The following MAP3K2 variants were observed in gnomAD, a reference collection of about 807,000 sequenced individuals.
The protein encoded by MAP3K2 is mitogen-activated protein kinase kinase kinase 2.
A neutral mutation model predicts 80.3 loss-of-function variants in MAP3K2; 24 were observed. The observed-to-expected ratio is 0.30, with a 90% CI of 0.22 to 0.42. The LOEUF (loss-of-function observed/expected upper bound fraction) is 0.42, where lower values mean the gene tolerates loss of function less well. Among genes scored for constraint, MAP3K2 ranks in the 10% least tolerant of loss-of-function variants. The pLI is 1.00. For missense variants in MAP3K2, 608 were observed against 750.1 expected, an observed-to-expected ratio of 0.81 and a Z score of 2.21; for synonymous variants, 244 against 253.7, an observed-to-expected ratio of 0.96 and a Z score of 0.36.
In MAP3K2 at chr2:127,322,352, G is replaced by T; in HGVS notation, c.839-100C>A. On this transcript the variant is annotated intron_variant, in intron 11 of 16. Coordinates refer to ENST00000682094, the MANE Select transcript of MAP3K2 (RefSeq NM_001371910.2). This position sits in a 1 kb window ranked among gnomAD's most constrained non-coding sequence, Gnocchi z 4.2. ...TGTAGAGAATAGAAATTTGTCCTGT[G>T]ACTAGGCTAAGAAACTCAAATAGGA... The T allele has an allele frequency of 1.4e-6, 1 of 734,720 alleles. No individual in the cohort carries two copies. The highest frequency in any genetic ancestry group is 2.2e-6 in the Non-Finnish European group (1 of 458,298). 45.5% of individuals were successfully genotyped at this position (734,720 alleles called of 1,614,324 possible). A position where few individuals can be genotyped will look rare whatever the true frequency, so the allele number is the denominator to read the frequency against.
At chr2:127,326,368 A>G (rs1686141521) in intron 8 of MAP3K2, among the ~76,000 whole-genome samples, 2 of 149,104 alleles carry the variant, frequency 1.3e-5, no homozygotes, top group Admixed American at 6.8e-5. Context: ...ACAAAGGTAA[A>G]TATTTGTAGT....
At chr2:127,360,685 A>G (rs1332672367) in intron 1 of MAP3K2, among the ~76,000 whole-genome samples, 1 of 152,228 alleles carries the variant, frequency 6.6e-6, no homozygotes, top group Admixed American at 6.5e-5. Flanking sequence ...TCACACCACA[A>G]ATCTCATTAC....
Position 127,322,295 on chromosome 2 carries a change from T to C in MAP3K2, c.839-43A>G. 1 of 1,246,662 alleles carries C rather than the reference T, an allele frequency of 8.0e-7. No individual in the cohort carries two copies. Among genetic ancestry groups the C allele is most frequent in the Non-Finnish European group, 1.1e-6 (1 of 878,908 alleles). The allele number at this position is 1,246,662 out of a possible 1,614,324, so 77.2% of individuals were successfully genotyped here. A position where few individuals can be genotyped will look rare whatever the true frequency, so the allele number is the denominator to read the frequency against. ...AATGACCTTATACCTTTTATTAATA[T>C]GTTATACTTTTAAAGTATTTAAAAT... On this transcript the variant is annotated intron_variant, in intron 11 of 16. Coordinates refer to ENST00000682094, the MANE Select transcript of MAP3K2 (RefSeq NM_001371910.2). This position sits in a 1 kb window ranked among gnomAD's most constrained non-coding sequence, Gnocchi z 4.2.
At position 127,339,969 on chromosome 2, in the gene MAP3K2, A is replaced by G. The variant is rs1686444867; in HGVS notation, c.5-919T>C. 6.6e-6 allele frequency among the ~76,000 whole-genome samples: 1 copy of G among 152,222 alleles called. No homozygotes were observed. The highest frequency in any genetic ancestry group is 6.5e-5 in the Admixed American group (1 of 15,286). On this transcript the variant is annotated intron_variant, in intron 2 of 16. Transcript: ENST00000682094. The surrounding 1 kb of genome is among the most constrained non-coding windows in gnomAD (Gnocchi z 4.2). ...AGTAGTAAAAATTAAAACATGCCAT[A>G]TCCTGTATGGGAAATCACTAAAAAT...
intron 1 of MAP3K2, among the ~76,000 whole-genome samples, chr2:127,375,062 C>A (rs1687126314): frequency 6.6e-6 from 1 of 152,164 alleles, no homozygotes; most frequent in African/African-American, 2.4e-5. Context: ...ATAAAACCTG[C>A]AGTTTTATGG....
intron 1 of MAP3K2, among the ~76,000 whole-genome samples, chr2:127,357,224 A>G (rs1686811919): frequency 6.6e-6 from 1 of 152,234 alleles, no homozygotes; most frequent in Admixed American, 6.5e-5. Flanking sequence ...AAATTCAATG[A>G]AATCTTAAAT....
At chr2:127,359,590 T>A (rs1686851633) in intron 1 of MAP3K2, among the ~76,000 whole-genome samples, 1 of 152,216 alleles carries the variant, frequency 6.6e-6, no homozygotes, top group Non-Finnish European at 1.5e-5. Context: ...GGTTTAAATC[T>A]GTGTCTCCAC....
At chr2:127,372,798 T>C (rs949033042) in intron 1 of MAP3K2, among the ~76,000 whole-genome samples, 2 of 152,132 alleles carry the variant, frequency 1.3e-5, no homozygotes, top group South Asian at 2.1e-4. Context: ...CGTGAATTAG[T>C]TGAGGGGCAA....
rs1389899569 is a variant in MAP3K2, at chr2:127,310,645, T to C, written c.1457-1883A>G. 6.6e-6 allele frequency among the ~76,000 whole-genome samples: 1 copy of C among 152,166 alleles called. No homozygotes were observed. Among genetic ancestry groups the C allele is most frequent in the East Asian group, 1.9e-4 (1 of 5,194 alleles). ...CCGCCTGGGTGATAAAGTGAGACCC[T>C]GTCTCAAAAAAACAAAAACAAAAAA... On this transcript the variant is annotated intron_variant, in intron 15 of 16. Coordinates refer to ENST00000682094, the MANE Select transcript of MAP3K2 (RefSeq NM_001371910.2). This position sits in a 1 kb window ranked among gnomAD's most constrained non-coding sequence, Gnocchi z 4.8.
Position 127,299,473 on chromosome 2 carries a change from CAA to C in MAP3K2, c.*8104_*8105del, listed in dbSNP as rs1335481536. The C allele has an allele frequency of 6.6e-6, 1 of 152,100 alleles. No homozygotes were observed. Among genetic ancestry groups the C allele is most frequent in the Non-Finnish European group, 1.5e-5 (1 of 67,978 alleles). The allele number at this position is 152,100 out of a possible 1,614,324, so 9.4% of individuals were successfully genotyped here. On this transcript the variant is annotated 3_prime_UTR_variant, in exon 17 of 17. Transcript: ENST00000682094. Reference sequence around the variant, plus strand: ...TTTGGGGTGGAATACAGGAAATATTCAAAGACAACAGTAGGACAGGCCAATAG... The same window carrying C: ...TTTGGGGTGGAATACAGGAAATATTCAGACAACAGTAGGACAGGCCAATAG...
chr2:127,373,719 G>C (rs1687104094), intron 1 of MAP3K2, among the ~76,000 whole-genome samples: 1 of 152,166 alleles, frequency 6.6e-6, no homozygotes. Context: ...ATGCTTTCTA[G>C]AATGGGTTTT....
chr2:127,366,780 A>G (rs756441316), intron 1 of MAP3K2, among the ~76,000 whole-genome samples: 14 of 151,506 alleles, frequency 9.2e-5, no homozygotes, highest in Non-Finnish European at 1.9e-4. Context: ...CACTCATAAC[A>G]TGAGAATAAT....
chr2:127,341,444 G>A (rs999088753), intron 2 of MAP3K2, among the ~76,000 whole-genome samples: 9 of 151,578 alleles, frequency 5.9e-5, no homozygotes, highest in East Asian at 3.9e-4. Flanking sequence ...CTTACTTGGC[G>A]GGCTTGAAGA....
chr2:127,373,743 G>T (rs187681742), intron 1 of MAP3K2, among the ~76,000 whole-genome samples: 1 of 152,082 alleles, frequency 6.6e-6, no homozygotes, highest in Non-Finnish European at 1.5e-5. Context: ...CTCACATACC[G>T]GGACTAAAAC....
At position 127,365,116 on chromosome 2, in the gene MAP3K2, C is replaced by CAAAAAA. The variant is rs10558890; in HGVS notation, c.-65-21928_-65-21923dup. Among the ~76,000 whole-genome samples, 87 of 31,656 alleles carry CAAAAAA rather than the reference C, an allele frequency of 2.7e-3. 33 individuals carry two copies. The highest frequency in any genetic ancestry group is 4.5e-3 in the South Asian group (2 of 446). The allele number at this position is 31,656 out of a possible 152,430, so 20.8% of individuals were successfully genotyped here. A position where few individuals can be genotyped will look rare whatever the true frequency, so the allele number is the denominator to read the frequency against. ...TGGGCGACAGAGTGAGACTCTGCCT[C>CAAAAAA]AAAAAAAAAAAAAAAAAAAAAAAAA... On this transcript the variant is annotated intron_variant, in intron 1 of 16. Transcript: ENST00000682094.
At position 127,325,858 on chromosome 2, in the gene MAP3K2, T is replaced by G; in HGVS notation, c.598-51A>C. On this transcript the variant is annotated intron_variant, in intron 8 of 16. Coordinates refer to ENST00000682094, the MANE Select transcript of MAP3K2 (RefSeq NM_001371910.2). Reference sequence around the variant, plus strand: ...GATTCAATTTGATATAACCAAAAGTTGCTTATTAAAAAAACCTGCCTTAAT... The same window carrying G: ...GATTCAATTTGATATAACCAAAAGTGGCTTATTAAAAAAACCTGCCTTAAT... 3 of 1,337,034 alleles carry G rather than the reference T, an allele frequency of 2.2e-6. No individual in the cohort carries two copies. In the South Asian group the frequency reaches 3.6e-5, roughly 16 times the overall value. The allele number at this position is 1,337,034 out of a possible 1,614,324, so 82.8% of individuals were successfully genotyped here.
Position 127,306,787 on chromosome 2 carries a change from G to A in MAP3K2, c.*792C>T, listed in dbSNP as rs1408871138. On this transcript the variant is annotated 3_prime_UTR_variant, in exon 17 of 17. Transcript: ENST00000682094. The surrounding 1 kb of genome is among the most constrained non-coding windows in gnomAD (Gnocchi z 4.7). The stretch of plus-strand genomic sequence containing the variant: ...TACTGCTCACACATTTGATAAGAGT[G>A]ATGTCCTTTTGTCTTTTATTTCTAT... 1 of 152,228 alleles carries A rather than the reference G, an allele frequency of 6.6e-6. No homozygotes were observed. Among genetic ancestry groups the A allele is most frequent in the African/African-American group, 2.4e-5 (1 of 41,324 alleles). The allele number at this position is 152,228 out of a possible 1,614,324, so 9.4% of individuals were successfully genotyped here.
At chr2:127,344,282 G>A (rs1341935262) in intron 1 of MAP3K2, among the ~76,000 whole-genome samples, 1 of 152,062 alleles carries the variant, frequency 6.6e-6, no homozygotes, top group Non-Finnish European at 1.5e-5. Flanking sequence ...TCTTTTCCAT[G>A]CATGCCCAAA....
At chr2:127,367,895 T>C (rs889639417) in intron 1 of MAP3K2, among the ~76,000 whole-genome samples, 5 of 152,234 alleles carry the variant, frequency 3.3e-5, no homozygotes, top group African/African-American at 1.2e-4. Context: ...TCTAAACACG[T>C]CTAAGTCACA....
Sources: allele counts gnomAD v4.1 joint callset (sites outside exome capture counted in the v4.1 genomes callset), GRCh38; gene constraint gnomAD v4.1.1; non-coding constraint Gnocchi (gnomAD v3.1); transcripts MANE v1.5; gene names NCBI Gene and HGNC (gene_info 2026-07-23, HGNC 2026-07-21).